Variants in TMEM120B observed in about 807,000 individuals in gnomAD.
TMEM120B encodes transmembrane protein 120B.
A neutral mutation model predicts 55.5 loss-of-function variants in TMEM120B; 31 were observed. That is an observed-to-expected ratio of 0.56 (90% CI 0.42 to 0.75). TMEM120B has a LOEUF of 0.75. Among genes scored for constraint, TMEM120B ranks in the 30% least tolerant of loss-of-function variants. The probability of loss-of-function intolerance (pLI) is 0.00; values close to 1 mark genes in which losing one functional copy is unlikely to be tolerated. For synonymous variants in TMEM120B, 203 were observed against 176.3 expected, an observed-to-expected ratio of 1.15 and a Z score of -1.20; for missense variants, 399 against 425.5, an observed-to-expected ratio of 0.94 and a Z score of 0.55.
rs1873075839 is a variant in TMEM120B at position 121,746,185 on chromosome 12, C to T, written c.189-2141C>T. On this transcript the variant is annotated intron_variant, in intron 2 of 11. Coordinates refer to ENST00000449592, the MANE Select transcript of TMEM120B (RefSeq NM_001080825.2). ...CCCTGGTTGTTTTCTTAAACCGCCC[C>T]CCCACTTTTTTTTTTTTTTGAGACA... Among the ~76,000 whole-genome samples the T allele has an allele frequency of 2.0e-5, 3 of 149,028 alleles. No individual in the cohort carries two copies. The South Asian group carries it at 6.3e-4, about 31-fold the overall frequency.
intron 2 of TMEM120B, 88 bp downstream of exon 2, chr12:121,743,835 C>G (rs1479015387): frequency 5.0e-6 from 5 of 997,606 alleles, no homozygotes; most frequent in Non-Finnish European, 7.7e-6. Flanking sequence ...ATGGAAATCT[C>G]AGTGGAAAAA....
chr12:121,717,217 T>G (rs1201360281), intron 1 of TMEM120B, among the ~76,000 whole-genome samples: 1 of 152,112 alleles, frequency 6.6e-6, no homozygotes, highest in Non-Finnish European at 1.5e-5. Context: ...AATGAGCATT[T>G]CCTGCCTTGC....
At position 121,749,403 on chromosome 12, in the gene TMEM120B, C is replaced by T. The variant is rs997256870; in HGVS notation, c.305+961C>T. Among the ~76,000 whole-genome samples the T allele has an allele frequency of 2.6e-5, 4 of 152,332 alleles. No homozygotes were observed. In the East Asian group the frequency reaches 5.8e-4, roughly 22 times the overall value. The stretch of plus-strand genomic sequence containing the variant: ...AACGATAGAAAACCCAACTCAAGGC[C>T]GGGCGCGGTGGCTTGTGCCTGTCAT... On this transcript the variant is annotated intron_variant, in intron 3 of 11. Transcript: ENST00000449592.
chr12:121,765,485 G>T (rs1037314577), intron 6 of TMEM120B, among the ~76,000 whole-genome samples: 1 of 152,144 alleles, frequency 6.6e-6, no homozygotes, highest in Non-Finnish European at 1.5e-5. Flanking sequence ...GGAATTTGAG[G>T]TTGCAATGGA....
intron 1 of TMEM120B, among the ~76,000 whole-genome samples, chr12:121,723,137 G>T (rs950136484): frequency 7.1e-6 from 1 of 141,432 alleles, no homozygotes; most frequent in Admixed American, 7.6e-5. Flanking sequence ...ATGAGCCACC[G>T]CGCCTGGCTT....
At chr12:121,717,055 A>G (rs1261836912) in intron 1 of TMEM120B, among the ~76,000 whole-genome samples, 2 of 152,202 alleles carry the variant, frequency 1.3e-5, no homozygotes, top group Non-Finnish European at 2.9e-5. Context: ...CCTGGGGCAC[A>G]GTTGAGTCTC....
In TMEM120B at chr12:121,775,274, T is replaced by A; in HGVS notation, c.906+144T>A. On this transcript the variant is annotated intron_variant, in intron 11 of 11. Coordinates refer to ENST00000449592, the MANE Select transcript of TMEM120B (RefSeq NM_001080825.2). This position sits in a 1 kb window ranked among gnomAD's most constrained non-coding sequence, Gnocchi z 4.3. ...TGGGGGTGGGGTGTGTGCGTGTGTG[T>A]GGTGTGCTGTGGGGAGGTTCCTGGG... 1.4e-6 allele frequency: 1 copy of A among 720,088 alleles called. No individual in the cohort carries two copies. The highest frequency in any genetic ancestry group is 1.9e-6 in the Non-Finnish European group (1 of 514,390). The allele number at this position is 720,088 out of a possible 1,614,324, so 44.6% of individuals were successfully genotyped here. A position where few individuals can be genotyped will look rare whatever the true frequency, so the allele number is the denominator to read the frequency against.
Position 121,779,273 on chromosome 12 carries a change from G to T in TMEM120B, c.*3551G>T. Reference sequence around the variant, plus strand: ...TTGCGAGTCCCGACAACAGACACTGGCTCCTGCACCCACATCACCACCATG... The same window carrying T: ...TTGCGAGTCCCGACAACAGACACTGTCTCCTGCACCCACATCACCACCATG... On this transcript the variant is annotated 3_prime_UTR_variant, in exon 12 of 12. Transcript: ENST00000449592. 1 of 577,910 alleles carries T rather than the reference G, an allele frequency of 1.7e-6. No homozygotes were observed. The highest frequency in any genetic ancestry group is 2.9e-5 in the East Asian group (1 of 34,906). The allele number at this position is 577,910 out of a possible 1,614,324, so 35.8% of individuals were successfully genotyped here.
intron 6 of TMEM120B, among the ~76,000 whole-genome samples, chr12:121,764,631 C>T (rs1873788300): frequency 6.6e-6 from 1 of 151,958 alleles, no homozygotes; most frequent in Admixed American, 6.6e-5. Flanking sequence ...GCACTCCAGC[C>T]TAGGCAAGTG....
At chr12:121,720,707 T>C (rs933344899) in intron 1 of TMEM120B, among the ~76,000 whole-genome samples, 1 of 151,660 alleles carries the variant, frequency 6.6e-6, no homozygotes, top group African/African-American at 2.4e-5. Context: ...AGAGTAAGAC[T>C]GTGTCTCAAA....
At chr12:121,735,587 T>C (rs559083253) in intron 1 of TMEM120B, among the ~76,000 whole-genome samples, 3 of 151,248 alleles carry the variant, frequency 2.0e-5, no homozygotes, top group Admixed American at 1.3e-4. Context: ...TTAGTAGAGA[T>C]AGGGTTTCAC....
At chr12:121,759,641 G>T (rs1873604613) in intron 5 of TMEM120B, among the ~76,000 whole-genome samples, 1 of 151,914 alleles carries the variant, frequency 6.6e-6, no homozygotes, top group African/African-American at 2.4e-5. Flanking sequence ...TCCCACCATT[G>T]CACTCCAGCC....
At chr12:121,751,681 A>G (rs1299722526) in intron 4 of TMEM120B, among the ~76,000 whole-genome samples, 1 of 133,684 alleles carries the variant, frequency 7.5e-6, no homozygotes, top group African/African-American at 2.8e-5. Context: ...CCTTCCTCCA[A>G]GTCAGTATGT....
chr12:121,750,564 TCAAAC>T (rs1873247550), intron 4 of TMEM120B, 125 bp downstream of exon 4: 1 of 539,404 alleles, frequency 1.9e-6, no homozygotes, highest in African/African-American at 3.1e-5. Flanking sequence ...ACCCCACACC[TCAAAC>T]CCACACCCAC....
chr12:121,772,590 A>G (rs1445437294), intron 8 of TMEM120B, among the ~76,000 whole-genome samples: 2 of 151,414 alleles, frequency 1.3e-5, no homozygotes, highest in Admixed American at 1.3e-4. Flanking sequence ...ATGCCTGGTT[A>G]CTTTTTGTAT....
At chr12:121,714,387 C>T (rs745694700) in intron 1 of TMEM120B, among the ~76,000 whole-genome samples, 8 of 151,830 alleles carry the variant, frequency 5.3e-5, no homozygotes, top group Non-Finnish European at 1.0e-4. Flanking sequence ...TCCTGAGTAG[C>T]TGGAATTACG....
intron 1 of TMEM120B, among the ~76,000 whole-genome samples, chr12:121,714,199 C>G (rs1340076220): frequency 6.6e-6 from 1 of 152,156 alleles, no homozygotes; most frequent in Non-Finnish European, 1.5e-5. Flanking sequence ...CCATCCGGTT[C>G]TCAGGGGACT....
chr12:121,768,692 G>A (rs1237161442), intron 6 of TMEM120B, among the ~76,000 whole-genome samples: 1 of 152,212 alleles, frequency 6.6e-6, no homozygotes, highest in Non-Finnish European at 1.5e-5. Flanking sequence ...GCTGCCATGT[G>A]TTTGGACTAG....
At chr12:121,766,097 C>G (rs903735378) in intron 6 of TMEM120B, among the ~76,000 whole-genome samples, 1 of 152,114 alleles carries the variant, frequency 6.6e-6, no homozygotes, top group Admixed American at 6.6e-5. Flanking sequence ...CCCTACGGGC[C>G]TCCTGGGGGC....
Sources: allele counts gnomAD v4.1 joint callset (sites outside exome capture counted in the v4.1 genomes callset), GRCh38; gene constraint gnomAD v4.1.1; non-coding constraint Gnocchi (gnomAD v3.1); transcripts MANE v1.5; gene names NCBI Gene and HGNC (gene_info 2026-07-23, HGNC 2026-07-21).